Variants in ODAD2 observed in about 807,000 individuals in gnomAD.
ODAD2 encodes outer dynein arm docking complex subunit 2, also known as outer dynein arm-docking complex subunit 2.
ODAD2 carries 89 observed loss-of-function variants against 106.8 expected under a neutral mutation model. The ratio of observed to expected loss-of-function variants is 0.83; its 90% CI spans 0.70 to 0.99. ODAD2 has a LOEUF of 0.99. Among genes scored for constraint, ODAD2 ranks in the 50% least tolerant of loss-of-function variants. The pLI, the probability that ODAD2 is intolerant of heterozygous loss-of-function variation, is 0.00. For synonymous variants in ODAD2, 404 were observed against 436.2 expected (o/e 0.93, Z 0.92); for missense variants, 1,168 against 1,238.5 (o/e 0.94, Z 0.85).
chr10:27,940,825 C>A lies in ODAD2; in HGVS notation c.1744-20G>T. On this transcript the variant is annotated intron_variant, in intron 12 of 19. Coordinates refer to ENST00000305242, the MANE Select transcript of ODAD2 (RefSeq NM_018076.5). ...AGCAACCTATAATAATAGATAAATC[C>A]AATGTTCATGGAAATCTTAAAAAGA... The A allele has an allele frequency of 6.2e-7, 1 of 1,603,984 alleles. No individual in the cohort carries two copies. Among genetic ancestry groups the A allele is most frequent in the South Asian group, 1.1e-5 (1 of 90,492 alleles).
intron 10 of ODAD2, chr10:27,959,091 C>A: frequency 9.6e-7 from 1 of 1,044,458 alleles, no homozygotes; most frequent in Non-Finnish European, 1.3e-6. Context: ...AATCCCAGCA[C>A]TTTGGGAGGC....
intron 17 of ODAD2, among the ~76,000 whole-genome samples, chr10:27,888,869 T>C (rs1411745373): frequency 2.6e-5 from 4 of 152,170 alleles, no homozygotes; most frequent in Admixed American, 2.6e-4. Flanking sequence ...ATGCAAAAGA[T>C]TACATTTGAA....
rs377191029 is a variant in ODAD2 at position 27,987,380 on chromosome 10, G to C, written c.382+6C>G. 6.2e-7 allele frequency: 1 copy of C among 1,609,502 alleles called. No homozygotes were observed. The highest frequency in any genetic ancestry group is 8.5e-7 in the Non-Finnish European group (1 of 1,178,304). The stretch of plus-strand genomic sequence containing the variant: ...TTCAAATCACAGACTGGAGCATTAA[G>C]ATCACCTTCAACACATGCTTGGGCT... On this transcript the variant is annotated splice_donor_region_variant and intron_variant, in intron 3 of 19. Transcript: ENST00000305242.
intron 17 of ODAD2, 116 bp downstream of exon 17, chr10:27,907,547 C>T: frequency 4.7e-6 from 3 of 636,942 alleles, no homozygotes; most frequent in Non-Finnish European, 2.7e-6. Flanking sequence ...GTGCAACCCT[C>T]TCCCACCAGA....
At chr10:27,959,481 G>A (rs1224053581) in intron 10 of ODAD2, among the ~76,000 whole-genome samples, 1 of 151,994 alleles carries the variant, frequency 6.6e-6, no homozygotes, top group African/African-American at 2.4e-5. Flanking sequence ...TGCAAGCGTG[G>A]CCTAAATGTC....
At chr10:27,858,985 C>T (rs114555589) in intron 19 of ODAD2, among the ~76,000 whole-genome samples, 4,375 of 151,832 alleles carry the variant, frequency 0.029, 217 homozygotes, top group African/African-American at 0.099. Context: ...TGAGCTTAAA[C>T]TAACTGACAA....
intron 17 of ODAD2, among the ~76,000 whole-genome samples, chr10:27,904,021 AG>A (rs1843404320): frequency 6.6e-6 from 1 of 152,204 alleles, no homozygotes; most frequent in Admixed American, 6.5e-5. Flanking sequence ...GTTGCCAAAA[AG>A]GGTATATGCA....
intron 17 of ODAD2, among the ~76,000 whole-genome samples, chr10:27,889,841 C>T (rs1842449861): frequency 1.3e-5 from 2 of 152,136 alleles, no homozygotes; most frequent in South Asian, 4.2e-4. Context: ...TGGTAACTGG[C>T]CCAATTACAT....
chr10:27,922,236 G>A (rs1009349393), intron 16 of ODAD2, among the ~76,000 whole-genome samples: 2 of 151,368 alleles, frequency 1.3e-5, no homozygotes, highest in Non-Finnish European at 2.9e-5. Flanking sequence ...TTTATATCTA[G>A]CAAGGCTGTC....
chr10:27,853,606 T>A (rs138291121), intron 19 of ODAD2, among the ~76,000 whole-genome samples: 89 of 152,234 alleles, frequency 5.8e-4, no homozygotes, highest in African/African-American at 2.0e-3. Context: ...ATAATACAGA[T>A]TACAGGCATG....
intron 19 of ODAD2, among the ~76,000 whole-genome samples, chr10:27,818,677 C>A (rs779058059): frequency 3.3e-5 from 5 of 152,210 alleles, no homozygotes; most frequent in Non-Finnish European, 7.3e-5. Flanking sequence ...GAATAGATTG[C>A]TAGCTACAGC....
At chr10:27,833,888 C>G (rs755755936) in intron 19 of ODAD2, among the ~76,000 whole-genome samples, 1 of 152,166 alleles carries the variant, frequency 6.6e-6, no homozygotes, top group African/African-American at 2.4e-5. Context: ...AATCTGAAAC[C>G]TGAAAGATGG....
In ODAD2 at chr10:27,862,448, T is replaced by C; in HGVS notation, c.2785A>G (p.Lys929Glu). Residue 929 changes from lysine (K) to glutamate (E), a missense_variant, in exon 18 of 20, where the codon AAA becomes GAA. This residue lies in a region of ODAD2 where 701 missense variants were observed against 712.3 expected (regional missense o/e 0.98). Transcript: ENST00000305242. ...GTGTTACTTACTGTATTTGCCAGTT[T>C]GGACAATAAAGGAACAACTCCATGA... The part of the protein sequence containing the change: ...TDHGVVPLLS[K>E]LANTNNNKLR... The C allele has an allele frequency of 6.2e-7, 1 of 1,608,212 alleles. No individual in the cohort carries two copies. The highest frequency in any genetic ancestry group is 8.5e-7 in the Non-Finnish European group (1 of 1,177,912).
intron 17 of ODAD2, among the ~76,000 whole-genome samples, chr10:27,884,441 CT>C (rs1223789931): frequency 1.7e-4 from 26 of 152,174 alleles, no homozygotes; most frequent in African/African-American, 6.3e-4. Context: ...CACCCCTTCT[CT>C]GGCACAGCAT....
At chr10:27,845,526 G>C (rs2887205) in intron 19 of ODAD2, among the ~76,000 whole-genome samples, 90,482 of 151,988 alleles carry the variant, frequency 0.6, 27,286 homozygotes, top group Middle Eastern at 0.7. Context: ...ACAAGCAAAA[G>C]AACCAGCTAA....
intron 16 of ODAD2, among the ~76,000 whole-genome samples, chr10:27,923,944 A>G (rs546322912): frequency 1.4e-5 from 2 of 140,796 alleles, no homozygotes; most frequent in East Asian, 4.1e-4. Flanking sequence ...ACCCTGTCTA[A>G]TGAAAGAAAG....
chr10:27,913,628 AT>A (rs1311910416), intron 16 of ODAD2, among the ~76,000 whole-genome samples: 14 of 152,164 alleles, frequency 9.2e-5, no homozygotes, highest in African/African-American at 3.4e-4. Flanking sequence ...AGAAACTTAA[AT>A]TAACAAGCAA....
chr10:27,953,869 G>A (rs1025770411), intron 10 of ODAD2, among the ~76,000 whole-genome samples: 41 of 152,220 alleles, frequency 2.7e-4, no homozygotes, highest in Non-Finnish European at 5.0e-4. Context: ...AGAATACCAC[G>A]TGCTTCTGCT....
intron 19 of ODAD2, 39 bp from the exon 20 acceptor site, chr10:27,812,664 A>G: frequency 1.3e-6 from 2 of 1,539,270 alleles, no homozygotes; most frequent in Non-Finnish European, 1.7e-6. Context: ...ACACAAGAAT[A>G]AAAACATTAA....
Sources: allele counts gnomAD v4.1 joint callset (sites outside exome capture counted in the v4.1 genomes callset), GRCh38; gene constraint gnomAD v4.1.1; regional missense constraint gnomAD v4.1.1; transcripts MANE v1.5; gene names NCBI Gene and HGNC (gene_info 2026-07-23, HGNC 2026-07-21).